The following EML1 variants were observed in gnomAD, a reference collection of about 807,000 sequenced individuals.
The protein encoded by EML1 is echinoderm microtubule-associated protein-like 1.
EML1 carries 27 observed loss-of-function variants against 110.4 expected under a neutral mutation model. The ratio of observed to expected loss-of-function variants is 0.24; its 90% CI spans 0.18 to 0.34. The LOEUF (loss-of-function observed/expected upper bound fraction) is 0.34, where lower values mean the gene tolerates loss of function less well. Ranked by LOEUF, EML1 falls within the 10% of genes least tolerant of loss-of-function variation. The pLI is 1.00. For missense variants in EML1, 741 were observed against 1,030.9 expected (o/e 0.72, Z 3.85); for synonymous variants, 344 against 385.8 (o/e 0.89, Z 1.27).
At chr14:99,928,644 G>A (rs930225972) in intron 17 of EML1, among the ~76,000 whole-genome samples, 22 of 152,140 alleles carry the variant, frequency 1.4e-4, no homozygotes, top group Admixed American at 5.9e-4. Context: ...TGGGAAATAC[G>A]TGGCTGACTC....
chr14:99,792,335 G>C (rs1021907685), upstream of EML1, among the ~76,000 whole-genome samples: 3 of 152,214 alleles, frequency 2.0e-5, no homozygotes, highest in Non-Finnish European at 4.4e-5. Flanking sequence ...GATGCAACAG[G>C]AAGTGTAAAC....
At chr14:99,821,740 A>G (rs535202626) in intron 1 of EML1, among the ~76,000 whole-genome samples, 1 of 152,318 alleles carries the variant, frequency 6.6e-6, no homozygotes, top group South Asian at 2.1e-4. Flanking sequence ...TTGACTCTAG[A>G]GTGTCTGTGC....
chr14:99,892,871 C>A (rs542091995), intron 5 of EML1, among the ~76,000 whole-genome samples: 1 of 152,308 alleles, frequency 6.6e-6, no homozygotes, highest in East Asian at 1.9e-4. Flanking sequence ...AGCTTTCTGG[C>A]AGGACTGATT....
At chr14:99,766,193 A>AT (rs2057367289) in intron 1 of EML1, among the ~76,000 whole-genome samples, 1 of 100,954 alleles carries the variant, frequency 9.9e-6, no homozygotes, top group East Asian at 2.8e-4. Flanking sequence ...TTAAACTTTT[A>AT]CTTTTTTTTT....
At chr14:99,901,078 C>A in intron 9 of EML1, 39 bp downstream of exon 9, 1 of 1,541,226 alleles carries the variant, frequency 6.5e-7, no homozygotes, top group Non-Finnish European at 9.0e-7. Context: ...TCTTCTTCCA[C>A]AGGAAGTAGA....
intron 1 of EML1, among the ~76,000 whole-genome samples, chr14:99,793,960 T>TA (rs761471258): frequency 6.6e-6 from 1 of 152,110 alleles, no homozygotes; most frequent in East Asian, 1.9e-4. Context: ...GGGAAACAAA[T>TA]CCTTTAATAA....
rs770749385 is a variant in EML1, at chr14:99,865,596, A to C, written c.333A>C (p.Leu111=). 3.7e-6 allele frequency: 6 copies of C among 1,614,240 alleles called. No homozygotes were observed. The East Asian group carries it at 1.3e-4, about 36-fold the overall frequency. Residue 111 remains leucine, a synonymous_variant, in exon 3 of 22, where the codon CTA becomes CTC. Transcript: ENST00000262233. ...TVLPKKPTGS[L]PSPSGVRKET... ...TACCAAAGAAACCTACTGGCTCTCTACCATCCCCCTCCGGGGTCAGGAAAG... is the reference window on the plus strand; with the variant it reads ...TACCAAAGAAACCTACTGGCTCTCTCCCATCCCCCTCCGGGGTCAGGAAAG...
chr14:99,796,180 C>T (rs369897295), intron 1 of EML1, among the ~76,000 whole-genome samples: 14 of 104,818 alleles, frequency 1.3e-4, no homozygotes, highest in African/African-American at 5.0e-4. Context: ...AAGTGAGACC[C>T]TGTCTCAGAG....
At chr14:99,892,779 G>T (rs1566922225) in intron 5 of EML1, among the ~76,000 whole-genome samples, 1 of 152,164 alleles carries the variant, frequency 6.6e-6, no homozygotes, top group African/African-American at 2.4e-5. Flanking sequence ...ATAGACATTG[G>T]TTATATACAT....
intron 1 of EML1, among the ~76,000 whole-genome samples, chr14:99,841,584 G>A (rs925508711): frequency 3.9e-5 from 6 of 152,152 alleles, no homozygotes; most frequent in Admixed American, 6.5e-5. Context: ...GTAACCCTTA[G>A]CAGACTACTC....
At chr14:99,799,388 A>G (rs1435732237) in intron 1 of EML1, among the ~76,000 whole-genome samples, 1 of 152,240 alleles carries the variant, frequency 6.6e-6, no homozygotes, top group African/African-American at 2.4e-5. Context: ...CGATGGTTAT[A>G]AACAAGTAGT....
chr14:99,843,333 T>C (rs1654257057), intron 1 of EML1, among the ~76,000 whole-genome samples: 1 of 152,236 alleles, frequency 6.6e-6, no homozygotes, highest in African/African-American at 2.4e-5. Flanking sequence ...TATGCACTAA[T>C]TTCTAATTAT....
chr14:99,748,202 C>A (rs889137590), intron 1 of EML1, among the ~76,000 whole-genome samples: 1 of 152,016 alleles, frequency 6.6e-6, no homozygotes, highest in Non-Finnish European at 1.5e-5. Context: ...CTGGGAAAGC[C>A]CCTGCCCGCA....
rs144264972 is a variant in EML1, at chr14:99,822,050, T to TC, written c.67+28509dup. ...CCAGCCTGGTGTGTGAGATGAGGGATCCGATCGGTTGCTCGTGTTGGAACA... is the reference window on the plus strand; with the variant it reads ...CCAGCCTGGTGTGTGAGATGAGGGATCCCGATCGGTTGCTCGTGTTGGAACA... On this transcript the variant is annotated intron_variant, in intron 1 of 21. Coordinates refer to ENST00000262233, the MANE Select transcript of EML1 (RefSeq NM_004434.3). Among the ~76,000 whole-genome samples the TC allele has an allele frequency of 6.8e-3, 1,042 of 152,286 alleles. 7 individuals carry two copies. The highest frequency in any genetic ancestry group is 0.024 in the African/African-American group (1,004 of 41,558).
chr14:99,879,372 T>C (rs1451430982), intron 4 of EML1, among the ~76,000 whole-genome samples: 1 of 152,238 alleles, frequency 6.6e-6, no homozygotes, highest in Non-Finnish European at 1.5e-5. Flanking sequence ...AACATTGTAC[T>C]TTAATTTTAT....
chr14:99,811,072 A>G (rs139260433), intron 1 of EML1, among the ~76,000 whole-genome samples: 1 of 149,086 alleles, frequency 6.7e-6, no homozygotes, highest in Admixed American at 6.7e-5. Flanking sequence ...CCCGTCTCTT[A>G]TGATGTTCAC....
At chr14:99,853,974 A>G (rs1308583322) in intron 2 of EML1, among the ~76,000 whole-genome samples, 1 of 152,172 alleles carries the variant, frequency 6.6e-6, no homozygotes, top group Non-Finnish European at 1.5e-5. Flanking sequence ...TCTGACCTGC[A>G]TTCTTATTTT....
intron 17 of EML1, among the ~76,000 whole-genome samples, chr14:99,935,781 C>CAAAAAAAAAAAAAAAAAAAAAAAA (rs1160100015): frequency 1.2e-5 from 1 of 83,712 alleles, no homozygotes; most frequent in African/African-American, 4.9e-5. Flanking sequence ...GACTCCGTCT[C>CAAAAAAAAAAAAAAAAAAAAAAAA]AAAAAAAAAA....
At position 99,907,648 on chromosome 14, in the gene EML1, C is replaced by G; in HGVS notation, c.1019C>G (p.Thr340Ser). ...CIAFSKSNGG[T>S]NLCAVDDSND... ...TAACTTTCTTTTCAGAATGGAGGAACCAATCTCTGTGCTGTGGATGACTCC... is the reference window on the plus strand; with the variant it reads ...TAACTTTCTTTTCAGAATGGAGGAAGCAATCTCTGTGCTGTGGATGACTCC... Residue 340 changes from threonine (T) to serine (S), a missense_variant, in exon 10 of 22, where the codon ACC becomes AGC. Coordinates refer to ENST00000262233, the MANE Select transcript of EML1 (RefSeq NM_004434.3). 1 of 1,614,054 alleles carries G rather than the reference C, an allele frequency of 6.2e-7. No homozygotes were observed. Among genetic ancestry groups the G allele is most frequent in the Non-Finnish European group, 8.5e-7 (1 of 1,179,994 alleles).
Sources: allele counts gnomAD v4.1 joint callset (sites outside exome capture counted in the v4.1 genomes callset), GRCh38; gene constraint gnomAD v4.1.1; transcripts MANE v1.5; gene names NCBI Gene and HGNC (gene_info 2026-07-23, HGNC 2026-07-21).